The following TMCO4 variants were observed in gnomAD, a reference collection of about 807,000 sequenced individuals.
TMCO4 encodes the protein transmembrane and coiled-coil domains 4, also known as transmembrane and coiled-coil domain-containing protein 4.
TMCO4 carries 58 observed loss-of-function variants against 64.7 expected under a neutral mutation model. The observed-to-expected ratio is 0.90, with a 90% CI of 0.73 to 1.12. The LOEUF is 1.12. Among genes scored for constraint, TMCO4 ranks in the 50% most tolerant of loss-of-function variants. The probability of loss-of-function intolerance (pLI) is 0.00; values close to 1 mark genes in which losing one functional copy is unlikely to be tolerated. For synonymous variants in TMCO4, 325 were observed against 346.1 expected (o/e 0.94, Z 0.68); for missense variants, 780 against 825.9 (o/e 0.94, Z 0.68).
intron 6 of TMCO4, among the ~76,000 whole-genome samples, chr1:19,768,560 C>T (rs1445449145): frequency 6.6e-6 from 1 of 151,262 alleles, no homozygotes; most frequent in Non-Finnish European, 1.5e-5. Flanking sequence ...GCAATGTTCT[C>T]AGGCCAACCC....
intron 13 of TMCO4, among the ~76,000 whole-genome samples, chr1:19,701,645 C>T (rs1353557435): frequency 6.6e-6 from 1 of 152,062 alleles, no homozygotes; most frequent in African/African-American, 2.4e-5. Flanking sequence ...TAACGGGCCC[C>T]GCATCATCTT....
rs1220908579 is a variant in TMCO4 at position 19,740,807 on chromosome 1, G to A, written c.1012C>T (p.Gln338Ter). The A allele has an allele frequency of 6.2e-7, 1 of 1,613,620 alleles. No homozygotes were observed. Among genetic ancestry groups the A allele is most frequent in the South Asian group, 1.1e-5 (1 of 90,998 alleles). ...AACACTGTGTACTTTAGGGCCTCCT[G>A]GGCCACCATGTTGGCGAGACCACTG... ...ILSGLANMVAQEALKYTVLSG... is the reference protein window; with the variant it reads ...ILSGLANMVA The change falls in exon 11 of 16, where the codon CAG becomes TAG. Residue 338 changes from glutamine to a stop codon, truncating the protein, a stop_gained. Transcript: ENST00000294543. LOFTEE classifies it high-confidence loss of function.
At chr1:19,713,634 G>A (rs1238977970) in intron 13 of TMCO4, among the ~76,000 whole-genome samples, 1 of 152,102 alleles carries the variant, frequency 6.6e-6, no homozygotes, top group East Asian at 1.9e-4. Flanking sequence ...AGGAGTTCAA[G>A]GCTGTAGTGA....
intron 6 of TMCO4, among the ~76,000 whole-genome samples, chr1:19,768,028 G>T (rs61768315): frequency 0.12 from 17,756 of 150,728 alleles, 1,139 homozygotes; most frequent in Non-Finnish European, 0.13. Flanking sequence ...GGAGGCAGAG[G>T]TTGCAGTGAG....
At position 19,732,318 on chromosome 1, in the gene TMCO4, C is replaced by A. The variant is rs185458990; in HGVS notation, c.1264+5054G>T. Among the ~76,000 whole-genome samples the A allele has an allele frequency of 6.6e-6, 1 of 152,136 alleles. No individual in the cohort carries two copies. The highest frequency in any genetic ancestry group is 2.4e-5 in the African/African-American group (1 of 41,522). On this transcript the variant is annotated intron_variant, in intron 13 of 15. Coordinates refer to ENST00000294543, the MANE Select transcript of TMCO4 (RefSeq NM_181719.7). This position sits in a 1 kb window ranked among gnomAD's most constrained non-coding sequence, Gnocchi z 4.8. Reference sequence around the variant, plus strand: ...TCCCAAGTAGCTGGGGCTACATGCACGTGCCACCATGCCTGGCTAATTTTA... The same window carrying A: ...TCCCAAGTAGCTGGGGCTACATGCAAGTGCCACCATGCCTGGCTAATTTTA...
chr1:19,712,591 G>C (rs1301158430), intron 13 of TMCO4, among the ~76,000 whole-genome samples: 4 of 148,648 alleles, frequency 2.7e-5, no homozygotes, highest in Non-Finnish European at 5.9e-5. Flanking sequence ...CTGCACTCCA[G>C]CCTGGGCAAC....
At chr1:19,766,803 G>A (rs1487898573) in intron 6 of TMCO4, among the ~76,000 whole-genome samples, 2 of 152,188 alleles carry the variant, frequency 1.3e-5, no homozygotes, top group East Asian at 3.8e-4. Context: ...TTATTCGTTA[G>A]AACAGATAAA....
intron 13 of TMCO4, among the ~76,000 whole-genome samples, chr1:19,733,745 G>A (rs142878034): frequency 1.3e-5 from 2 of 152,308 alleles, no homozygotes; most frequent in Non-Finnish European, 2.9e-5. Flanking sequence ...ATAACAGGGA[G>A]ACAGGCCAGC....
rs1199390858 is a variant in TMCO4 at position 19,741,015 on chromosome 1, G to A, written c.878-74C>T. ...TGCCCCACCCCAGTACCCCAGACAA[G>A]GAGCACCAGGACCACTCACCCTTGT... On this transcript the variant is annotated intron_variant, in intron 10 of 15. Transcript: ENST00000294543. 6 of 1,447,930 alleles carry A rather than the reference G, an allele frequency of 4.1e-6. No homozygotes were observed. In the South Asian group the frequency reaches 7.0e-5, roughly 17 times the overall value. The allele number at this position is 1,447,930 out of a possible 1,614,324, so 89.7% of individuals were successfully genotyped here.
At chr1:19,707,548 GGGA>G (rs1359470896) in intron 13 of TMCO4, among the ~76,000 whole-genome samples, 1 of 152,208 alleles carries the variant, frequency 6.6e-6, no homozygotes, top group Admixed American at 6.5e-5. Context: ...ACTTGAACCT[GGGA>G]GGAGGAGATT....
At chr1:19,725,230 A>T (rs908927036) in intron 13 of TMCO4, among the ~76,000 whole-genome samples, 1 of 152,162 alleles carries the variant, frequency 6.6e-6, no homozygotes, top group Non-Finnish European at 1.5e-5. Flanking sequence ...GAATGAAGAC[A>T]CCTGCAGGCA....
At chr1:19,760,624 A>G (rs1002901193) in intron 6 of TMCO4, among the ~76,000 whole-genome samples, 2 of 152,192 alleles carry the variant, frequency 1.3e-5, no homozygotes, top group South Asian at 2.1e-4. Flanking sequence ...TTTGCCTCCC[A>G]AAGTACGTGG....
At chr1:19,685,874 C>T (rs1029718220) in intron 15 of TMCO4, among the ~76,000 whole-genome samples, 4 of 152,008 alleles carry the variant, frequency 2.6e-5, no homozygotes, top group East Asian at 1.9e-4. Context: ...CCACGGTGCC[C>T]GCTACCATGC....
At chr1:19,747,984 A>G (rs963779252) in intron 7 of TMCO4, among the ~76,000 whole-genome samples, 6 of 152,222 alleles carry the variant, frequency 3.9e-5, no homozygotes, top group Non-Finnish European at 5.9e-5. Flanking sequence ...GTGTGGAGTG[A>G]TAGCAAAGCA....
chr1:19,778,960 A>G (rs2043336402), intron 4 of TMCO4, among the ~76,000 whole-genome samples: 1 of 152,156 alleles, frequency 6.6e-6, no homozygotes. Context: ...CAGGTGGAAC[A>G]ATGCCCTGGT....
chr1:19,794,489 G>A (rs2044206138), intron 2 of TMCO4, among the ~76,000 whole-genome samples: 2 of 152,216 alleles, frequency 1.3e-5, no homozygotes. Context: ...GAAGGAAGTG[G>A]CAGAAATGGC....
chr1:19,759,070 C>G (rs1220497198), intron 6 of TMCO4, among the ~76,000 whole-genome samples: 1 of 146,546 alleles, frequency 6.8e-6, no homozygotes, highest in Non-Finnish European at 1.5e-5. Flanking sequence ...CCACTGCACT[C>G]CAGCCTGGGC....
At position 19,765,045 on chromosome 1, in the gene TMCO4, G is replaced by C. The variant is rs558226740; in HGVS notation, c.382+5497C>G. 3.2e-4 allele frequency among the ~76,000 whole-genome samples: 48 copies of C among 152,218 alleles called. 1 individual carries two copies. The highest frequency in any genetic ancestry group is 5.1e-4 in the Non-Finnish European group (35 of 68,030). ...GTAGAGAGTGCCGTGGCTCAAGTGTGTGTGCCTCCTGCAGTTCCAGGGCCT... is the reference window on the plus strand; with the variant it reads ...GTAGAGAGTGCCGTGGCTCAAGTGTCTGTGCCTCCTGCAGTTCCAGGGCCT... On this transcript the variant is annotated intron_variant, in intron 6 of 15. Coordinates refer to ENST00000294543, the MANE Select transcript of TMCO4 (RefSeq NM_181719.7).
rs768249645 is a variant in TMCO4 at position 19,780,608 on chromosome 1, A to G, written c.151T>C (p.Ser51Pro). Reference protein sequence around the residue: ...AYAALCGISLSQLFPEPEHSS... With the variant: ...AYAALCGISLPQLFPEPEHSS... Reference sequence around the variant, plus strand: ...TGTTCGGGTTCAGGAAATAACTGGGACAGGGAGATGCCACAGAGGGCAGCA... The same window carrying G: ...TGTTCGGGTTCAGGAAATAACTGGGGCAGGGAGATGCCACAGAGGGCAGCA... The change falls in exon 4 of 16, where the codon TCC (serine) becomes CCC (proline). Residue 51 changes from serine to proline, a missense_variant. Physicochemically the swap from Ser to Pro is moderately conservative, Grantham distance 74. Transcript: ENST00000294543. 2 of 1,610,638 alleles carry G rather than the reference A, an allele frequency of 1.2e-6. No homozygotes were observed. The highest frequency in any genetic ancestry group is 2.2e-5 in the South Asian group (2 of 90,416).
Sources: gnomAD v4.1 joint callset for allele counts (sites outside exome capture counted in the v4.1 genomes callset) on GRCh38, gnomAD v4.1.1 for gene constraint, Gnocchi (gnomAD v3.1) non-coding constraint, MANE v1.5 for transcripts, NCBI Gene and HGNC (gene_info 2026-07-23, HGNC 2026-07-21) for gene names.